The following ITPKB variants were observed in gnomAD, a reference collection of about 807,000 sequenced individuals.
ITPKB encodes the protein IP3 3-kinase B.
ITPKB carries 13 observed loss-of-function variants against 69.4 expected under a neutral mutation model. The observed-to-expected ratio is 0.19, with a 90% confidence interval of 0.12 to 0.30. ITPKB has a LOEUF of 0.30. ITPKB is among the 10% of genes least tolerant of loss of function. ITPKB has a pLI of 1.00. For synonymous variants in ITPKB, 584 were observed against 513.7 expected, an observed-to-expected ratio of 1.14 and a Z score of -1.85; for missense variants, 1,240 against 1,250.5, an observed-to-expected ratio of 0.99 and a Z score of 0.13.
At chr1:226,729,534 T>C (rs1177484981) in intron 2 of ITPKB, among the ~76,000 whole-genome samples, 4 of 150,850 alleles carry the variant, frequency 2.7e-5, no homozygotes, top group South Asian at 4.2e-4. Context: ...CAGACCCAGA[T>C]TTCGATACTG....
intron 2 of ITPKB, among the ~76,000 whole-genome samples, chr1:226,701,200 C>T (rs187344561): frequency 6.6e-6 from 1 of 152,330 alleles, no homozygotes; most frequent in African/African-American, 2.4e-5. Flanking sequence ...GCTCAGAACT[C>T]CTGCTTTTGG....
At chr1:226,701,946 C>T (rs979654308) in intron 2 of ITPKB, among the ~76,000 whole-genome samples, 7 of 152,136 alleles carry the variant, frequency 4.6e-5, no homozygotes, top group Admixed American at 4.6e-4. Flanking sequence ...CAGAAAACTC[C>T]CTCCTCCTTC....
At chr1:226,688,383 GC>G (rs1375435335) in intron 2 of ITPKB, among the ~76,000 whole-genome samples, 2 of 151,486 alleles carry the variant, frequency 1.3e-5, no homozygotes, top group African/African-American at 2.4e-5. Context: ...ACTCCTGACC[GC>G]CCCCCATCAG....
chr1:226,644,752 G>T (rs1444702011), intron 4 of ITPKB, among the ~76,000 whole-genome samples: 1 of 152,190 alleles, frequency 6.6e-6, no homozygotes, highest in African/African-American at 2.4e-5. Flanking sequence ...CTCTTGCCCT[G>T]GGACTCAGCA....
At chr1:226,656,702 G>C (rs1408000367) in intron 2 of ITPKB, 1 of 152,282 alleles carries the variant, frequency 6.6e-6, no homozygotes, top group Non-Finnish European at 1.5e-5. Flanking sequence ...TAGAAGGCAG[G>C]ATGATGACGC....
At chr1:226,647,046 C>T in intron 4 of ITPKB, 121 bp downstream of exon 4, 1 of 788,628 alleles carries the variant, frequency 1.3e-6, no homozygotes, top group Non-Finnish European at 2.1e-6. Context: ...ATTGGTCCAA[C>T]AGCCTCCTCA....
intron 2 of ITPKB, among the ~76,000 whole-genome samples, chr1:226,690,777 A>G (rs1656331314): frequency 6.6e-6 from 1 of 152,180 alleles, no homozygotes; most frequent in African/African-American, 2.4e-5. Flanking sequence ...ACACGTCAAA[A>G]CTAGTTTCCT....
chr1:226,649,649 A>G (rs1669148013), intron 2 of ITPKB, among the ~76,000 whole-genome samples: 2 of 152,094 alleles, frequency 1.3e-5, no homozygotes, highest in Non-Finnish European at 2.9e-5. Context: ...AGGAGAACTA[A>G]GGTATATTGA....
chr1:226,638,179 C>A (rs563062624), intron 6 of ITPKB, among the ~76,000 whole-genome samples: 1 of 152,308 alleles, frequency 6.6e-6, no homozygotes, highest in African/African-American at 2.4e-5. Flanking sequence ...CGAGCAGCCC[C>A]CTGGAGTCTT....
In ITPKB at chr1:226,667,861, CGCGT is replaced by C. The variant is rs1479959820; in HGVS notation, c.1933-19094_1933-19091del. On this transcript the variant is annotated intron_variant, in intron 2 of 7. Transcript: ENST00000429204. ...GTGTGTGTGTGTGTGTGTGCGCGCG[CGCGT>C]GCGAAGTGGAGGTTGGTATTTCAGG... 2.3e-3 allele frequency among the ~76,000 whole-genome samples: 252 copies of C among 108,824 alleles called. 2 individuals are homozygous for C. The highest frequency in any genetic ancestry group is 9.4e-3 in the African/African-American group (245 of 25,970). 71.4% of individuals were successfully genotyped at this position (108,824 alleles called of 152,430 possible).
intron 2 of ITPKB, among the ~76,000 whole-genome samples, chr1:226,734,806 C>T (rs992793220): frequency 6.6e-6 from 1 of 152,216 alleles, no homozygotes; most frequent in Admixed American, 6.5e-5. Flanking sequence ...CTGACATGTA[C>T]ATCCATTAGG....
intron 2 of ITPKB, among the ~76,000 whole-genome samples, chr1:226,734,402 A>G (rs1379061126): frequency 6.6e-6 from 1 of 152,242 alleles, no homozygotes; most frequent in African/African-American, 2.4e-5. Flanking sequence ...GCAGAGTAGA[A>G]ACATAAAGCT....
At chr1:226,659,107 A>G (rs181748789) in intron 2 of ITPKB, among the ~76,000 whole-genome samples, 4 of 152,192 alleles carry the variant, frequency 2.6e-5, no homozygotes, top group Admixed American at 6.5e-5. Context: ...TCTGGCCAAA[A>G]CCAGGAAAAC....
chr1:226,679,787 T>C (rs1281600382), intron 2 of ITPKB, among the ~76,000 whole-genome samples: 1 of 152,226 alleles, frequency 6.6e-6, no homozygotes, highest in Non-Finnish European at 1.5e-5. Context: ...CATGTCACAG[T>C]TTAAAACTCA....
intron 7 of ITPKB, among the ~76,000 whole-genome samples, chr1:226,636,907 G>C (rs926347739): frequency 6.6e-5 from 10 of 152,104 alleles, no homozygotes; most frequent in African/African-American, 2.4e-4. Flanking sequence ...TTAATGTGCT[G>C]TATGAATGTG....
At chr1:226,671,498 C>T (rs1044684656) in intron 2 of ITPKB, among the ~76,000 whole-genome samples, 2 of 152,184 alleles carry the variant, frequency 1.3e-5, no homozygotes, top group African/African-American at 2.4e-5. Flanking sequence ...CTGTTCTAGC[C>T]GCAGGTGATT....
rs887690841 is a variant in ITPKB, at chr1:226,637,391, T to A, written c.2625+288A>T. ...GCCCTGAGACCACGGGTGTGTGGGA[T>A]ATGAGTCCTGCCACCACTGCCCAGA... On this transcript the variant is annotated intron_variant, in intron 7 of 7. Transcript: ENST00000429204. This position sits in a 1 kb window ranked among gnomAD's most constrained non-coding sequence, Gnocchi z 4.3. Among the ~76,000 whole-genome samples the A allele has an allele frequency of 2.0e-5, 3 of 152,138 alleles. No individual in the cohort carries two copies. Among genetic ancestry groups the A allele is most frequent in the Non-Finnish European group, 4.4e-5 (3 of 68,018 alleles).
At chr1:226,680,519 G>A (rs544522565) in intron 2 of ITPKB, among the ~76,000 whole-genome samples, 2 of 152,270 alleles carry the variant, frequency 1.3e-5, no homozygotes, top group East Asian at 3.9e-4. Flanking sequence ...GTGAAGAGTC[G>A]GCTCTAATGA....
intron 2 of ITPKB, among the ~76,000 whole-genome samples, chr1:226,689,569 T>TTGTGTGTG (rs10589027): frequency 7.8e-4 from 108 of 138,558 alleles, no homozygotes; most frequent in East Asian, 1.1e-3. Context: ...AAGGTTTTAT[T>TTGTGTGTG]TGTGTGTGTG....
Sources: gnomAD v4.1 joint callset for allele counts (sites outside exome capture counted in the v4.1 genomes callset) on GRCh38, gnomAD v4.1.1 for gene constraint, Gnocchi (gnomAD v3.1) non-coding constraint, MANE v1.5 for transcripts, NCBI Gene and HGNC (gene_info 2026-07-23, HGNC 2026-07-21) for gene names.